Variants in CSNK1G3 observed in about 807,000 individuals in gnomAD.
CSNK1G3 encodes casein kinase I isoform gamma-3.
Under a neutral mutation model 64.3 loss-of-function variants are expected in CSNK1G3, and 23 were observed. That is an observed-to-expected ratio of 0.36 (90% CI 0.26 to 0.51). The LOEUF is 0.51. CSNK1G3 is among the 20% of genes least tolerant of loss of function. The pLI is 0.96. For missense variants in CSNK1G3, 357 were observed against 510.5 expected, an observed-to-expected ratio of 0.70 and a Z score of 2.90; for synonymous variants, 158 against 162.2, an observed-to-expected ratio of 0.97 and a Z score of 0.20.
chr5:123,595,634 C>G (rs1177311147), intron 10 of CSNK1G3, among the ~76,000 whole-genome samples: 1 of 151,904 alleles, frequency 6.6e-6, no homozygotes, highest in African/African-American at 2.4e-5. Flanking sequence ...TTTGTTTGTA[C>G]TTATAGAAAA....
intron 11 of CSNK1G3, 54 bp downstream of exon 12, chr5:123,604,884 C>T (rs1795084804): frequency 9.8e-6 from 13 of 1,325,914 alleles, no homozygotes; most frequent in Non-Finnish European, 1.4e-5. Context: ...ATTATGCATG[C>T]TTGAGATTTA....
chr5:123,609,150 A>G (rs1478162828), intron 12 of CSNK1G3, among the ~76,000 whole-genome samples: 1 of 152,138 alleles, frequency 6.6e-6, no homozygotes, highest in Admixed American at 6.5e-5. Context: ...TAATTTCCCA[A>G]TCTCAGAGGG....
intron 1 of CSNK1G3, among the ~76,000 whole-genome samples, chr5:123,516,250 A>G (rs563167118): frequency 1.3e-5 from 2 of 152,274 alleles, no homozygotes; most frequent in South Asian, 2.1e-4. Context: ...TCAGAGCATC[A>G]CCTTTTGCTG....
At chr5:123,533,796 T>TC (rs1226369341) in intron 1 of CSNK1G3, among the ~76,000 whole-genome samples, 1 of 151,782 alleles carries the variant, frequency 6.6e-6, no homozygotes, top group Admixed American at 6.6e-5. Context: ...ATGATCTGCT[T>TC]CCCCCAGAGG....
At chr5:123,520,812 T>C (rs1289207751) in intron 1 of CSNK1G3, among the ~76,000 whole-genome samples, 1 of 152,118 alleles carries the variant, frequency 6.6e-6, no homozygotes, top group African/African-American at 2.4e-5. Flanking sequence ...TGTATTAGAC[T>C]GTGATTTATT....
chr5:123,573,770 C>T (rs1018014005), intron 5 of CSNK1G3, among the ~76,000 whole-genome samples: 1 of 151,784 alleles, frequency 6.6e-6, no homozygotes, highest in Admixed American at 6.6e-5. Context: ...TCAAAATGCT[C>T]AGTTTGCAAA....
intron 1 of CSNK1G3, among the ~76,000 whole-genome samples, chr5:123,534,900 GTGTGT>G: frequency 6.6e-6 from 1 of 152,224 alleles, no homozygotes; most frequent in African/African-American, 2.4e-5. Context: ...TCATGTCCAA[GTGTGT>G]TGTGTTGTTC....
intron 2 of CSNK1G3, among the ~76,000 whole-genome samples, chr5:123,548,901 G>A (rs968991592): frequency 6.6e-6 from 1 of 152,206 alleles, no homozygotes; most frequent in Non-Finnish European, 1.5e-5. Context: ...ACAATATCCA[G>A]AAAATGCTGG....
chr5:123,541,524 G>C (rs1343927823), intron 1 of CSNK1G3, among the ~76,000 whole-genome samples: 2 of 152,086 alleles, frequency 1.3e-5, no homozygotes, highest in Non-Finnish European at 2.9e-5. Context: ...TGCCTCCCAG[G>C]TTCAAGCCAT....
intron 10 of CSNK1G3, among the ~76,000 whole-genome samples, chr5:123,601,361 T>G (rs988881962): frequency 6.6e-6 from 1 of 152,192 alleles, no homozygotes; most frequent in African/African-American, 2.4e-5. Context: ...GGCCAGTTTA[T>G]GAAAGTCAAC....
intron 5 of CSNK1G3, among the ~76,000 whole-genome samples, chr5:123,573,868 G>A (rs1191002728): frequency 1.4e-5 from 1 of 70,138 alleles, no homozygotes. Flanking sequence ...TTTTTTTTTT[G>A]AGACGGAGTC....
In CSNK1G3 at chr5:123,588,556, A is replaced by G. The variant is rs1378197316; in HGVS notation, c.844+45A>G. On this transcript the variant is annotated intron_variant, in intron 8 of 12. Transcript: ENST00000345990. ...TGATACATTATATACAGAAAACTAG[A>G]AATGCTAATTTTTATTGCTTAAGTT... is the stretch of plus-strand genomic sequence containing the variant. The G allele has an allele frequency of 2.6e-6, 3 of 1,173,938 alleles. No individual in the cohort carries two copies. In the South Asian group the frequency reaches 3.9e-5, roughly 15 times the overall value. The allele number at this position is 1,173,938 out of a possible 1,614,324, so 72.7% of individuals were successfully genotyped here. A position where few individuals can be genotyped will look rare whatever the true frequency, so the allele number is the denominator to read the frequency against.
chr5:123,570,299 A>G (rs1456574641), intron 4 of CSNK1G3, among the ~76,000 whole-genome samples: 1 of 151,804 alleles, frequency 6.6e-6, no homozygotes, highest in Non-Finnish European at 1.5e-5. Flanking sequence ...TATTGGGAAT[A>G]TAGATGGTGA....
intron 1 of CSNK1G3, among the ~76,000 whole-genome samples, chr5:123,517,687 G>A (rs374656286): frequency 3.9e-5 from 6 of 152,072 alleles, no homozygotes; most frequent in East Asian, 1.9e-4. Context: ...AACTTTCTTC[G>A]ATAGACCCAC....
rs571743573 is a variant in CSNK1G3, at chr5:123,557,576, T to A, written c.289+12T>A. 8 of 1,511,422 alleles carry A rather than the reference T, an allele frequency of 5.3e-6. No individual in the cohort carries two copies. The highest frequency in any genetic ancestry group is 2.0e-5 in the Admixed American group (1 of 49,532). 93.6% of individuals were successfully genotyped at this position (1,511,422 alleles called of 1,614,324 possible). On this transcript the variant is annotated intron_variant, in intron 4 of 12. Coordinates refer to ENST00000345990, the Ensembl canonical transcript of CSNK1G3. ...GTTAGGATCTGGAGGTAAAGTCTTA[T>A]ATTAATTTTTAAATTTGAAATAAAG... is the stretch of plus-strand genomic sequence containing the variant.
intron 6 of CSNK1G3, among the ~76,000 whole-genome samples, chr5:123,587,214 A>C (rs1381622585): frequency 1.3e-5 from 2 of 152,228 alleles, no homozygotes; most frequent in African/African-American, 4.8e-5. Context: ...TGCTTTTCTG[A>C]AAGCATTAAG....
rs575947738 is a variant in CSNK1G3, at chr5:123,592,453, C to T, written c.1086+1039C>T. ...TTTTGGGCAATGTTTTAATTTTTCT[C>T]TCTCTCTTTCTCTTTTTTTTGGTAA... On this transcript the variant is annotated intron_variant, in intron 10 of 12. Coordinates refer to ENST00000345990, the Ensembl canonical transcript of CSNK1G3. 6.6e-5 allele frequency among the ~76,000 whole-genome samples: 10 copies of T among 151,580 alleles called. 1 individual carries two copies. In the South Asian group the frequency reaches 2.1e-3, roughly 32 times the overall value.
chr5:123,598,519 C>T (rs916776924), intron 10 of CSNK1G3, among the ~76,000 whole-genome samples: 5 of 151,842 alleles, frequency 3.3e-5, no homozygotes, highest in East Asian at 1.9e-4. Flanking sequence ...TAAACTGAGA[C>T]GTAAAGAATC....
intron 12 of CSNK1G3, 64 bp downstream of exon 13, chr5:123,605,426 C>A (rs1581425649): frequency 6.4e-7 from 1 of 1,552,964 alleles, no homozygotes; most frequent in Non-Finnish European, 8.8e-7. Context: ...GATTTAGCAT[C>A]ATTTTGTGTC....
Sources: gnomAD v4.1 joint callset for allele counts (sites outside exome capture counted in the v4.1 genomes callset) on GRCh38, gnomAD v4.1.1 for gene constraint, MANE v1.5 for transcripts, NCBI Gene and HGNC (gene_info 2026-07-23, HGNC 2026-07-21) for gene names.